Variants in SLC35E3 observed in about 807,000 individuals in gnomAD.
SLC35E3 encodes solute carrier family 35 member E3.
In SLC35E3, 28 loss-of-function variants were observed where a neutral mutation model predicts 30.8. The ratio of observed to expected loss-of-function variants is 0.91; its 90% CI spans 0.67 to 1.25. The LOEUF (loss-of-function observed/expected upper bound fraction) is 1.25, where lower values mean the gene tolerates loss of function less well. Among genes scored for constraint, SLC35E3 ranks in the 50% most tolerant of loss-of-function variants. The pLI is 0.00. For synonymous variants in SLC35E3, 146 were observed against 149.2 expected, an observed-to-expected ratio of 0.98 and a Z score of 0.16; for missense variants, 365 against 375.4, an observed-to-expected ratio of 0.97 and a Z score of 0.23.
chr12:68,746,651 A>C lies in SLC35E3; in HGVS notation c.274A>C (p.Asn92His). Residue 92 changes from asparagine to histidine, a missense_variant, in exon 1 of 5, where the codon AAC (asparagine) becomes CAC (histidine). Transcript: ENST00000398004. ...CTTCTGTGGCTTTGTGGTCTTCACT[A>C]ACCTTTCTCTGCAGAACAACACCAT... ...LSFCGFVVFT[N>H]LSLQNNTIGT... The C allele has an allele frequency of 6.2e-7, 1 of 1,614,212 alleles. No individual in the cohort carries two copies. The highest frequency in any genetic ancestry group is 8.5e-7 in the Non-Finnish European group (1 of 1,180,032).
chr12:68,746,396 C>G lies in SLC35E3; in HGVS notation c.19C>G (p.Arg7Gly). ...GGGGATCATGGCATTGCTGGTGGAC[C>G]GAGTGCGGGGCCACTGGCGAATCGC... MALLVDRVRGHWRIAAG... is the reference protein window; with the variant it reads MALLVDGVRGHWRIAAG... The change falls in exon 1 of 5, where the codon CGA becomes GGA. Residue 7 changes from arginine (R) to glycine (G), a missense_variant. Transcript: ENST00000398004. 2 of 1,599,244 alleles carry G rather than the reference C, an allele frequency of 1.3e-6. No individual in the cohort carries two copies. Among genetic ancestry groups the G allele is most frequent in the Non-Finnish European group, 1.7e-6 (2 of 1,171,786 alleles).
At position 68,775,783 on chromosome 12, in the gene SLC35E3, A is replaced by G. The variant is rs2136087412; in HGVS notation, c.*10893A>G. 1 of 151,416 alleles carries G rather than the reference A, an allele frequency of 6.6e-6. No homozygotes were observed. Among genetic ancestry groups the G allele is most frequent in the East Asian group, 2.0e-4 (1 of 5,128 alleles). 9.4% of individuals were successfully genotyped at this position (151,416 alleles called of 1,614,324 possible). On this transcript the variant is annotated 3_prime_UTR_variant, in exon 5 of 5. Transcript: ENST00000398004. Reference sequence around the variant, plus strand: ...GCCAACATGGTGAAACCCCGTCTCTACTAAAAATATAAAAATTAGCCAGGC... The same window carrying G: ...GCCAACATGGTGAAACCCCGTCTCTGCTAAAAATATAAAAATTAGCCAGGC...
chr12:68,764,794 T>G lies in SLC35E3; in HGVS notation c.846T>G (p.Leu282=). The change falls in exon 5 of 5, where the codon CTT becomes CTG. Residue 282 remains leucine, a synonymous_variant. Transcript: ENST00000398004. ...FKDPLSINQA[L]GILCTLFGIL... ...ATCCACTGTCCATTAATCAGGCCCTTGGCATTTTATGTACATTATTTGGCA... is the reference window on the plus strand; with the variant it reads ...ATCCACTGTCCATTAATCAGGCCCTGGGCATTTTATGTACATTATTTGGCA... 1 of 1,614,202 alleles carries G rather than the reference T, an allele frequency of 6.2e-7. No homozygotes were observed. Among genetic ancestry groups the G allele is most frequent in the Non-Finnish European group, 8.5e-7 (1 of 1,180,032 alleles).
Position 68,769,340 on chromosome 12 carries a change from A to G in SLC35E3, c.*4450A>G, listed in dbSNP as rs1386699455. ...TCGGGTGAATGACTGCAGAATGGCC[A>G]AAGGTGAGAGTTTGATTAAAAGAAA... On this transcript the variant is annotated 3_prime_UTR_variant, in exon 5 of 5. Transcript: ENST00000398004. The G allele has an allele frequency of 6.6e-6, 1 of 151,880 alleles. No homozygotes were observed. The highest frequency in any genetic ancestry group is 1.5e-5 in the Non-Finnish European group (1 of 67,976). The allele number at this position is 151,880 out of a possible 1,614,324, so 9.4% of individuals were successfully genotyped here.
chr12:68,756,318 A>AG (rs1290260558), intron 3 of SLC35E3, among the ~76,000 whole-genome samples: 7 of 151,436 alleles, frequency 4.6e-5, no homozygotes, highest in African/African-American at 1.7e-4. Context: ...AAAAAAAAAA[A>AG]AAGGCAAAGA....
In SLC35E3 at chr12:68,775,442, A is replaced by T. The variant is rs6581833; in HGVS notation, c.*10552A>T. On this transcript the variant is annotated 3_prime_UTR_variant, in exon 5 of 5. Transcript: ENST00000398004. ...TTGTTCCTGGGAACTCTCTGCAGAG[A>T]CCCAAGGTGGCAGAGGGCCTCACGT... 0.51 allele frequency: 78,012 copies of T among 151,976 alleles called. 21,664 individuals are homozygous for T. Among genetic ancestry groups the T allele is most frequent in the Non-Finnish European group, 0.65 (44,214 of 67,966 alleles). 9.4% of individuals were successfully genotyped at this position (151,976 alleles called of 1,614,324 possible).
In SLC35E3 at chr12:68,778,442, G is replaced by C. The variant is rs184765548; in HGVS notation, c.*13552G>C. ...ATGTTTATAACAGTAAAGATGAACA[G>C]AGATCATATTATAAATAGTTGGAAG... On this transcript the variant is annotated 3_prime_UTR_variant, in exon 5 of 5. Coordinates refer to ENST00000398004, the MANE Select transcript of SLC35E3 (RefSeq NM_018656.5). The C allele has an allele frequency of 6.6e-6, 1 of 152,308 alleles. No individual in the cohort carries two copies. Among genetic ancestry groups the C allele is most frequent in the Non-Finnish European group, 1.5e-5 (1 of 68,038 alleles). The allele number at this position is 152,308 out of a possible 1,614,324, so 9.4% of individuals were successfully genotyped here.
rs1879518666 is a variant in SLC35E3, at chr12:68,768,570, C to T, written c.*3680C>T. On this transcript the variant is annotated 3_prime_UTR_variant, in exon 5 of 5. Transcript: ENST00000398004. Reference sequence around the variant, plus strand: ...CCAGATACAGTGCTTTCAAAGAAAACATGCTTGCTGTCCTTTGTTACCAGT... The same window carrying T: ...CCAGATACAGTGCTTTCAAAGAAAATATGCTTGCTGTCCTTTGTTACCAGT... 2 of 152,218 alleles carry T rather than the reference C, an allele frequency of 1.3e-5. No homozygotes were observed. Among genetic ancestry groups the T allele is most frequent in the Non-Finnish European group, 2.9e-5 (2 of 68,028 alleles). 9.4% of individuals were successfully genotyped at this position (152,218 alleles called of 1,614,324 possible).
intron 4 of SLC35E3, among the ~76,000 whole-genome samples, chr12:68,763,773 A>G (rs922249393): frequency 2.6e-5 from 4 of 152,192 alleles, no homozygotes; most frequent in African/African-American, 4.8e-5. Context: ...ATCTTAATCC[A>G]GTGGCATGTT....
Position 68,773,290 on chromosome 12 carries a change from TC to T in SLC35E3, c.*8401del, listed in dbSNP as rs1376167844. The T allele has an allele frequency of 2.0e-5, 3 of 152,172 alleles. No homozygotes were observed. Among genetic ancestry groups the T allele is most frequent in the Non-Finnish European group, 4.4e-5 (3 of 68,050 alleles). 9.4% of individuals were successfully genotyped at this position (152,172 alleles called of 1,614,324 possible). A position where few individuals can be genotyped will look rare whatever the true frequency, so the allele number is the denominator to read the frequency against. On this transcript the variant is annotated 3_prime_UTR_variant, in exon 5 of 5. Transcript: ENST00000398004. ...AATTCAGGAGGTGGGAGGCTCAAAA[TC>T]AATTACTCTGTTGAGGAGATGGAAT... is the stretch of plus-strand genomic sequence containing the variant.
chr12:68,754,051 T>C (rs1484433566), intron 3 of SLC35E3, among the ~76,000 whole-genome samples: 1 of 152,100 alleles, frequency 6.6e-6, no homozygotes, highest in East Asian at 1.9e-4. Flanking sequence ...TTCACCATCT[T>C]GGCCAGGATG....
intron 2 of SLC35E3, among the ~76,000 whole-genome samples, chr12:68,748,903 G>T (rs945990866): frequency 3.9e-5 from 6 of 152,132 alleles, no homozygotes; most frequent in African/African-American, 1.4e-4. Context: ...TAGAGCCCTG[G>T]CATCTTAAAC....
chr12:68,766,772 A>G lies in SLC35E3; in HGVS notation c.*1882A>G, dbSNP rs1166853890. On this transcript the variant is annotated 3_prime_UTR_variant, in exon 5 of 5. Coordinates refer to ENST00000398004, the MANE Select transcript of SLC35E3 (RefSeq NM_018656.5). ...GCTGATTTTTATATTTTTTGTAGAG[A>G]CAGAGTTTTGCCATGTTGCTCAGGC... 8.9e-6 allele frequency: 4 copies of G among 450,486 alleles called. No individual in the cohort carries two copies. The highest frequency in any genetic ancestry group is 1.8e-5 in the Non-Finnish European group (4 of 225,350). The allele number at this position is 450,486 out of a possible 1,614,324, so 27.9% of individuals were successfully genotyped here.
chr12:68,770,363 T>G lies in SLC35E3; in HGVS notation c.*5473T>G, dbSNP rs1022790217. The G allele has an allele frequency of 6.6e-6, 1 of 152,238 alleles. No homozygotes were observed. Among genetic ancestry groups the G allele is most frequent in the African/African-American group, 2.4e-5 (1 of 41,400 alleles). 9.4% of individuals were successfully genotyped at this position (152,238 alleles called of 1,614,324 possible). On this transcript the variant is annotated 3_prime_UTR_variant, in exon 5 of 5. Transcript: ENST00000398004. Reference sequence around the variant, plus strand: ...CACAGTAAATTTCTTTTTTTGAAATTAGTGGAGGAGAACCAGAGAGATGCC... The same window carrying G: ...CACAGTAAATTTCTTTTTTTGAAATGAGTGGAGGAGAACCAGAGAGATGCC...
Position 68,764,981 on chromosome 12 carries a change from G to A in SLC35E3, c.*91G>A. ...TATTAAAAAAAAAAAATTGGGCCAGGCACGGTGGCTCACGCCTGTAATCCC... is the reference window on the plus strand; with the variant it reads ...TATTAAAAAAAAAAAATTGGGCCAGACACGGTGGCTCACGCCTGTAATCCC... On this transcript the variant is annotated 3_prime_UTR_variant, in exon 5 of 5. Coordinates refer to ENST00000398004, the MANE Select transcript of SLC35E3 (RefSeq NM_018656.5). The A allele has an allele frequency of 7.8e-7, 1 of 1,274,292 alleles. No individual in the cohort carries two copies. The highest frequency in any genetic ancestry group is 1.1e-6 in the Non-Finnish European group (1 of 927,030). The allele number at this position is 1,274,292 out of a possible 1,614,324, so 78.9% of individuals were successfully genotyped here.
intron 3 of SLC35E3, among the ~76,000 whole-genome samples, chr12:68,756,963 C>G (rs531643958): frequency 6.6e-6 from 1 of 152,094 alleles, no homozygotes; most frequent in Non-Finnish European, 1.5e-5. Context: ...TGCAGTGAGC[C>G]GAGATCGTGC....
chr12:68,752,195 G>A lies in SLC35E3; in HGVS notation c.672+5G>A, dbSNP rs757188506. 1 of 1,591,128 alleles carries A rather than the reference G, an allele frequency of 6.3e-7. No homozygotes were observed. The highest frequency in any genetic ancestry group is 1.2e-5 in the South Asian group (1 of 86,774). On this transcript the variant is annotated splice_donor_5th_base_variant and intron_variant, in intron 3 of 4. Transcript: ENST00000398004. ...CCCTGGTCAGTTTCTGCTTTGGTAA[G>A]TTCTAATTGTTTTGATATCTAAGAA...
At chr12:68,755,247 T>C (rs755926212) in intron 3 of SLC35E3, among the ~76,000 whole-genome samples, 1 of 152,150 alleles carries the variant, frequency 6.6e-6, no homozygotes, top group East Asian at 1.9e-4. Flanking sequence ...GATTTCAACA[T>C]AGGAATTTTG....
intron 4 of SLC35E3, among the ~76,000 whole-genome samples, chr12:68,762,372 G>A (rs535852892): frequency 3.1e-4 from 47 of 152,172 alleles, no homozygotes; most frequent in Non-Finnish European, 5.6e-4. Context: ...AAGGAAGGAG[G>A]AGACTGGCAC....
Sources: allele counts gnomAD v4.1 joint callset (sites outside exome capture counted in the v4.1 genomes callset), GRCh38; gene constraint gnomAD v4.1.1; transcripts MANE v1.5; gene names NCBI Gene and HGNC (gene_info 2026-07-23, HGNC 2026-07-21).